Variants in GUK1 observed in about 807,000 individuals in gnomAD.
GUK1 encodes guanylate kinase.
In GUK1, 18 loss-of-function variants were observed where a neutral mutation model predicts 25.2. That is an observed-to-expected ratio of 0.71 (90% confidence interval 0.49 to 1.06). The LOEUF (loss-of-function observed/expected upper bound fraction) is 1.06. GUK1 is among the 50% of genes least tolerant of loss of function. The probability of loss-of-function intolerance (pLI) is 0.00; values close to 1 mark genes in which losing one functional copy is unlikely to be tolerated. For synonymous variants in GUK1, 105 were observed against 117.6 expected (o/e 0.89, Z 0.69); for missense variants, 261 against 276.7 (o/e 0.94, Z 0.40).
At chr1:228,146,108 T>C in intron 4 of GUK1, 41 bp downstream of exon 3, 1 of 1,407,118 alleles carries the variant, frequency 7.1e-7, no homozygotes, top group Non-Finnish European at 1.0e-6. Flanking sequence ...ACCCCCAGTG[T>C]GGGCAGGGCT....
intron 2 of GUK1, chr1:228,141,604 G>C (rs761019830): frequency 1.2e-5 from 13 of 1,093,502 alleles, no homozygotes; most frequent in Non-Finnish European, 1.5e-5. Flanking sequence ...TGGGCCGGGG[G>C]CAAGGTGGTG....
chr1:228,147,485 A>G lies in GUK1; in HGVS notation c.331A>G (p.Lys111Glu). The change falls in exon 6 of 9, where the codon AAG becomes GAG. Residue 111 changes from lysine to glutamate, a missense_variant. Physicochemically the swap from Lys to Glu is moderately conservative, Grantham distance 56. Coordinates refer to ENST00000312726, the MANE Select transcript of GUK1 (RefSeq NM_000858.7). ...GGACCTGCAGGGTGTGCGGAACATCAAGGCCACCGATCTGCGGCCCATCTA... is the reference window on the plus strand; with the variant it reads ...GGACCTGCAGGGTGTGCGGAACATCGAGGCCACCGATCTGCGGCCCATCTA... 6.2e-7 allele frequency: 1 copy of G among 1,613,142 alleles called. No homozygotes were observed. Among genetic ancestry groups the G allele is most frequent in the East Asian group, 2.2e-5 (1 of 44,880 alleles).
In GUK1 at chr1:228,140,358, C is replaced by G. The variant is rs780809492; in HGVS notation, c.-173C>G. The stretch of plus-strand genomic sequence containing the variant: ...GCGGCCGCCCTGGGCCGGGCCCCAC[C>G]GGACGGTGAGTACGACAAGCGCGAT... On this transcript the variant is annotated 5_prime_UTR_variant, in exon 1 of 9. Transcript: ENST00000312726. 7 of 1,523,014 alleles carry G rather than the reference C, an allele frequency of 4.6e-6. No individual in the cohort carries two copies. The allele number at this position is 1,523,014 out of a possible 1,614,324, so 94.3% of individuals were successfully genotyped here.
chr1:228,144,336 C>T (rs2034242817), intron 2 of GUK1: 1 of 152,308 alleles, frequency 6.6e-6, no homozygotes, highest in Admixed American at 6.5e-5. Context: ...CACGCCTCGC[C>T]TGAGTTGTGT....
intron 8 of GUK1, 68 bp from the exon 8 acceptor site, chr1:228,148,597 G>A (rs2034538047): frequency 3.4e-6 from 5 of 1,464,346 alleles, no homozygotes; most frequent in Non-Finnish European, 4.7e-6. Flanking sequence ...CCACGGTGGA[G>A]GGAGAGCAGG....
intron 2 of GUK1, chr1:228,145,181 C>T (rs534963626): frequency 5.3e-6 from 1 of 190,268 alleles, no homozygotes; most frequent in East Asian, 1.4e-4. Flanking sequence ...TCAGAGTAGA[C>T]AGCATTGCTT....
intron 4 of GUK1, 48 bp downstream of exon 3, chr1:228,146,115 G>C (rs1459464358): frequency 7.6e-7 from 1 of 1,310,600 alleles, no homozygotes; most frequent in East Asian, 2.3e-5. Flanking sequence ...GTGTGGGCAG[G>C]GCTGCTGGGC....
chr1:228,146,639 G>A (rs2034394014), intron 4 of GUK1: 2 of 599,918 alleles, frequency 3.3e-6, no homozygotes, highest in Admixed American at 2.8e-5. Context: ...CCATCAGTGA[G>A]GACAGTGTGA....
At chr1:228,146,625 ATC>A (rs1445804858) in intron 4 of GUK1, 6 of 576,032 alleles carry the variant, frequency 1.0e-5, no homozygotes, top group Non-Finnish European at 1.9e-5. Context: ...GCAGTCTCGT[ATC>A]TCCATCAGTG....
Position 228,147,622 on chromosome 1 carries a change from G to A in GUK1, c.398G>A (p.Arg133Gln), listed in dbSNP as rs139053507. 1.9e-5 allele frequency: 31 copies of A among 1,612,928 alleles called. 1 individual carries two copies. The highest frequency in any genetic ancestry group is 1.5e-4 in the African/African-American group (11 of 74,912). The change falls in exon 7 of 9, where the codon CGG becomes CAG. Residue 133 changes from arginine (R) to glutamine (Q), a missense_variant. Coordinates refer to ENST00000312726, the MANE Select transcript of GUK1 (RefSeq NM_000858.7). The stretch of plus-strand genomic sequence containing the variant: ...TTGCCACCCCCTTTTTAGGAGCAGC[G>A]GCTGCGGCAGCGCAACACTGAAACC...
intron 3 of GUK1, 114 bp from the exon 3 acceptor site, chr1:228,145,912 C>G (rs1232172803): frequency 6.0e-6 from 5 of 835,764 alleles, no homozygotes; most frequent in Non-Finnish European, 8.2e-6. Context: ...CAGTGGTGTG[C>G]TTCACTGGCT....
At chr1:228,143,009 C>T (rs1571885174) in intron 2 of GUK1, among the ~76,000 whole-genome samples, 1 of 152,136 alleles carries the variant, frequency 6.6e-6, no homozygotes, top group Admixed American at 6.5e-5. Flanking sequence ...TGGACCCCTG[C>T]CTGGCAGCAG....
chr1:228,145,988 C>G, intron 3 of GUK1, 38 bp from the exon 3 acceptor site: 3 of 1,537,270 alleles, frequency 2.0e-6, no homozygotes, highest in Non-Finnish European at 2.7e-6. Context: ...GCATTGGGCT[C>G]CGAGCAGCCC....
intron 5 of GUK1, 128 bp from the exon 5 acceptor site, chr1:228,147,278 G>T: frequency 1.1e-6 from 1 of 884,302 alleles, no homozygotes; most frequent in Non-Finnish European, 1.7e-6. Flanking sequence ...TCGGGTGCTG[G>T]GTCCAGGCCA....
Position 228,148,670 on chromosome 1 carries a change from C to T in GUK1, c.567C>T (p.Ile189=). 1 of 1,589,796 alleles carries T rather than the reference C, an allele frequency of 6.3e-7. No homozygotes were observed. Among genetic ancestry groups the T allele is most frequent in the Non-Finnish European group, 8.6e-7 (1 of 1,165,994 alleles). ...CCTTTCTTCCTCACTGGCAGGAAAT[C>T]AAGAAAGCTCAAAGGACCGGCGCCT... Residue 189 remains isoleucine (I), a synonymous_variant, in exon 9 of 9, where the codon ATC becomes ATT. Coordinates refer to ENST00000312726, the MANE Select transcript of GUK1 (RefSeq NM_000858.7).
chr1:228,140,390 G>C (rs2033975549), intron 1 of GUK1, 27 bp downstream of exon 1: 1 of 1,473,738 alleles, frequency 6.8e-7, no homozygotes, highest in Non-Finnish European at 9.0e-7. Flanking sequence ...CGATCGCGAG[G>C]GTGACTCGGG....
At chr1:228,146,520 A>T in intron 4 of GUK1, 1 of 453,990 alleles carries the variant, frequency 2.2e-6, no homozygotes, top group Non-Finnish European at 4.0e-6. Context: ...CTGTAACCTG[A>T]CGGTCTCCAG....
chr1:228,147,667 G>A lies in GUK1; in HGVS notation c.443G>A (p.Arg148Gln), dbSNP rs760374372. The A allele has an allele frequency of 2.9e-5, 47 of 1,612,810 alleles. No individual in the cohort carries two copies. In the Admixed American group the frequency reaches 6.2e-4, roughly 21 times the overall value. Residue 148 changes from arginine to glutamine, a missense_variant, in exon 7 of 9, where the codon CGG (arginine) becomes CAG (glutamine). Arg to Gln is a conservative substitution (Grantham distance 43). Coordinates refer to ENST00000312726, the MANE Select transcript of GUK1 (RefSeq NM_000858.7). Reference sequence around the variant, plus strand: ...GAAACCGAGGAGAGCCTGGTGAAGCGGCTGGCTGCTGCCCAGGCCGACATG... The same window carrying A: ...GAAACCGAGGAGAGCCTGGTGAAGCAGCTGGCTGCTGCCCAGGCCGACATG...
At position 228,146,315 on chromosome 1, in the gene GUK1, C is replaced by T. The variant is rs184845034; in HGVS notation, c.154+248C>T. ...GGCTGTCTTCCTCCCACCTTGGAGG[C>T]GGCCACAGTGCTGCTGTCCCCAGCC... On this transcript the variant is annotated intron_variant, in intron 4 of 8. Transcript: ENST00000312726. The T allele has an allele frequency of 4.0e-4, 220 of 550,536 alleles. 2 individuals carry two copies. The highest frequency in any genetic ancestry group is 2.9e-3 in the Middle Eastern group (6 of 2,080). 34.1% of individuals were successfully genotyped at this position (550,536 alleles called of 1,614,324 possible).
Sources: gnomAD v4.1 joint callset for allele counts (sites outside exome capture counted in the v4.1 genomes callset) on GRCh38, gnomAD v4.1.1 for gene constraint, MANE v1.5 for transcripts, NCBI Gene and HGNC (gene_info 2026-07-23, HGNC 2026-07-21) for gene names.